The following FAM227A variants were observed in gnomAD, a reference collection of about 807,000 sequenced individuals.
FAM227A encodes family with sequence similarity 227 member A.
A neutral mutation model predicts 74.7 loss-of-function variants in FAM227A; 80 were observed. That is an observed-to-expected ratio of 1.07 (90% CI 0.89 to 1.29). FAM227A has a LOEUF of 1.29. Ranked by LOEUF, FAM227A falls within the 50% of genes most tolerant of loss-of-function variation. FAM227A has a pLI of 0.00. For synonymous variants in FAM227A, 237 were observed against 241.8 expected (o/e 0.98, Z 0.19); for missense variants, 654 against 683.4 (o/e 0.96, Z 0.48).
At chr22:38,607,363 A>C (rs1345870483) in intron 12 of FAM227A, 26 bp downstream of exon 12, 5 of 1,506,074 alleles carry the variant, frequency 3.3e-6, no homozygotes, top group Admixed American at 4.0e-5. Context: ...AAAAGCCTAC[A>C]TTTCCCTTTT....
Position 38,636,766 on chromosome 22 carries a change from ATTTC to A in FAM227A, c.373-173_373-170del, listed in dbSNP as rs1205253789. On this transcript the variant is annotated intron_variant, in intron 5 of 16. Coordinates refer to ENST00000535113, the MANE Select transcript of FAM227A (RefSeq NM_001013647.2). Reference sequence around the variant, plus strand: ...CCCCTTCCAAACTCCTATCTACATTATTTCTTTTTTTTTTTTTTTTTTGAGACGA... The same window carrying A: ...CCCCTTCCAAACTCCTATCTACATTATTTTTTTTTTTTTTTTTTGAGACGA... 7.1e-3 allele frequency among the ~76,000 whole-genome samples: 965 copies of A among 136,644 alleles called. 11 individuals are homozygous for A. Among genetic ancestry groups the A allele is most frequent in the African/African-American group, 0.025 (922 of 36,914 alleles). The allele number at this position is 136,644 out of a possible 152,430, so 89.6% of individuals were successfully genotyped here.
At chr22:38,611,483 TTAG>T (rs2091412914) in intron 11 of FAM227A, among the ~76,000 whole-genome samples, 1 of 152,158 alleles carries the variant, frequency 6.6e-6, no homozygotes, top group South Asian at 2.1e-4. Flanking sequence ...TCTGGTTAAA[TTAG>T]TAGGTATTCT....
rs1312257993 is a variant in FAM227A, at chr22:38,607,438, C to T, written c.1077G>A (p.Ser359=). 56 of 1,551,020 alleles carry T rather than the reference C, an allele frequency of 3.6e-5. No individual in the cohort carries two copies. The highest frequency in any genetic ancestry group is 4.4e-5 in the Non-Finnish European group (51 of 1,146,884). ...AGCTTTTTTCTGAGTTCTGCTTGGCCGAAGAGGTTTTTTCACTGGGTGAAT... is the reference window on the plus strand; with the variant it reads ...AGCTTTTTTCTGAGTTCTGCTTGGCTGAAGAGGTTTTTTCACTGGGTGAAT... ...SANSPSEKTS[S]AKQNSEKSLR... Residue 359 remains serine (S), a synonymous_variant, in exon 12 of 17, where the codon TCG becomes TCA. Coordinates refer to ENST00000535113, the MANE Select transcript of FAM227A (RefSeq NM_001013647.2).
intron 12 of FAM227A, among the ~76,000 whole-genome samples, chr22:38,607,176 C>CAAAAAAAAAAAAAAAAAAA (rs528873313): frequency 3.6e-5 from 2 of 55,678 alleles, no homozygotes; most frequent in Non-Finnish European, 8.0e-5. Context: ...GACTTCATCT[C>CAAAAAAAAAAAAAAAAAAA]AAAAAAAAAA....
At chr22:38,598,042 CAAAA>C in intron 14 of FAM227A, among the ~76,000 whole-genome samples, 1 of 83,816 alleles carries the variant, frequency 1.2e-5, no homozygotes, top group South Asian at 4.2e-4. Flanking sequence ...GACTCTGTCT[CAAAA>C]AAAAAAAAAA....
At chr22:38,637,995 C>T (rs1170596895) in intron 5 of FAM227A, among the ~76,000 whole-genome samples, 1 of 152,030 alleles carries the variant, frequency 6.6e-6, no homozygotes, top group Non-Finnish European at 1.5e-5. Context: ...GGTGAAACCC[C>T]ATCTCTACCA....
intron 16 of FAM227A, among the ~76,000 whole-genome samples, chr22:38,588,449 T>G (rs1303602214): frequency 1.3e-5 from 2 of 150,594 alleles, no homozygotes; most frequent in Admixed American, 1.3e-4. Flanking sequence ...TGAAACCCCA[T>G]CTCTACTAAA....
rs535003182 is a variant in FAM227A, at chr22:38,600,651, AT to A, written c.1222-731del. ...TCATGCCCAGCCGATAGTGTTATAT[AT>A]TTTATAGAAAATAATTTAGTAAAAG... On this transcript the variant is annotated intron_variant, in intron 13 of 16. Transcript: ENST00000535113. 6.6e-4 allele frequency among the ~76,000 whole-genome samples: 100 copies of A among 152,110 alleles called. No individual in the cohort carries two copies. The South Asian group carries it at 0.016, about 24-fold the overall frequency.
chr22:38,644,611 A>G (rs2092192771), intron 3 of FAM227A, among the ~76,000 whole-genome samples: 1 of 150,028 alleles, frequency 6.7e-6, no homozygotes, highest in Non-Finnish European at 1.5e-5. Flanking sequence ...CAAGAATCCT[A>G]TTGTAAACTC....
intron 6 of FAM227A, 91 bp downstream of exon 6, chr22:38,636,360 G>A: frequency 7.2e-7 from 1 of 1,392,638 alleles, no homozygotes; most frequent in Non-Finnish European, 9.7e-7. Context: ...CCCTAGGTGA[G>A]TTCCTCAGTT....
chr22:38,642,530 TAAAATTA>T (rs2092139418), intron 3 of FAM227A, among the ~76,000 whole-genome samples: 1 of 152,238 alleles, frequency 6.6e-6, no homozygotes, highest in Non-Finnish European at 1.5e-5. Flanking sequence ...TAGATTTCGT[TAAAATTA>T]AAAATTTCTG....
intron 16 of FAM227A, among the ~76,000 whole-genome samples, chr22:38,587,701 G>A (rs938289680): frequency 3.3e-5 from 5 of 151,988 alleles, no homozygotes; most frequent in African/African-American, 9.7e-5. Flanking sequence ...AAAAATAGAA[G>A]AGGTAACAGT....
intron 16 of FAM227A, 128 bp from the exon 17 acceptor site, chr22:38,586,327 T>C: frequency 9.7e-7 from 1 of 1,029,232 alleles, no homozygotes; most frequent in Non-Finnish European, 1.4e-6. Flanking sequence ...GAGGGCGTGC[T>C]CCTGCCTCCA....
chr22:38,636,510 C>CCA lies in FAM227A; in HGVS notation c.458_459dup (p.Asp154TrpfsTer29). ...ACGTTGCCCACCATGTCACAGAAGT[C>CCA]CACGCCATTCGGAAGCTTGTTTGGC... On this transcript the variant is annotated frameshift_variant, in exon 6 of 17. Coordinates refer to ENST00000535113, the MANE Select transcript of FAM227A (RefSeq NM_001013647.2). LOFTEE classifies it high-confidence loss of function. 6.4e-7 allele frequency: 1 copy of CCA among 1,551,678 alleles called. No individual in the cohort carries two copies. Among genetic ancestry groups the CCA allele is most frequent in the Non-Finnish European group, 8.7e-7 (1 of 1,146,990 alleles).
chr22:38,636,452 T>C lies in FAM227A; in HGVS notation c.518A>G (p.Lys173Arg), dbSNP rs2092008606. 6.4e-7 allele frequency: 1 copy of C among 1,550,876 alleles called. No homozygotes were observed. Among genetic ancestry groups the C allele is most frequent in the African/African-American group, 1.4e-5 (1 of 73,002 alleles). ...VRAERDCLSG[K>R]HFCSGRELEK... ...GGGCAGGCACTGCTTTTTCCTCACC[T>C]TGCCACTAAGGCAGTCTCTCTCAGC... Residue 173 changes from lysine to arginine, a missense_variant and splice_region_variant, in exon 6 of 17, where the codon AAG (lysine) becomes AGG (arginine). Transcript: ENST00000535113.
chr22:38,624,851 T>C (rs1475864494), intron 9 of FAM227A, among the ~76,000 whole-genome samples: 1 of 152,190 alleles, frequency 6.6e-6, no homozygotes, highest in East Asian at 1.9e-4. Context: ...TCCAGCTCTA[T>C]TTCCTTACTA....
In FAM227A at chr22:38,591,555, CAG is replaced by C; in HGVS notation, c.1533-17_1533-16del. ...TCTTCATTTCCCTGGGAGGAAAACA[CAG>C]AGACATATGGAAAAAGGCTGGAGTG... On this transcript the variant is annotated splice_polypyrimidine_tract_variant and intron_variant, in intron 15 of 16. Transcript: ENST00000535113. 2 of 1,525,318 alleles carry C rather than the reference CAG, an allele frequency of 1.3e-6. No homozygotes were observed. The highest frequency in any genetic ancestry group is 1.8e-6 in the Non-Finnish European group (2 of 1,132,536). The allele number at this position is 1,525,318 out of a possible 1,614,324, so 94.5% of individuals were successfully genotyped here. A position where few individuals can be genotyped will look rare whatever the true frequency, so the allele number is the denominator to read the frequency against.
chr22:38,628,340 T>A lies in FAM227A; in HGVS notation c.624A>T (p.Pro208=), dbSNP rs1309811810. The A allele has an allele frequency of 1.3e-6, 2 of 1,548,074 alleles. No homozygotes were observed. The highest frequency in any genetic ancestry group is 1.7e-6 in the Non-Finnish European group (2 of 1,143,888). ...FWWIFHERYQ[P]NKELQNNLFD... ...ACAGATTATTCTGGAGCTCCTTGTT[T>A]GGCTGCCAGGAATAGAAATGAAAAA... The change falls in exon 8 of 17, where the codon CCA becomes CCT. Residue 208 remains proline (P), a splice_region_variant and synonymous_variant. Coordinates refer to ENST00000535113, the MANE Select transcript of FAM227A (RefSeq NM_001013647.2).
At chr22:38,645,947 C>T (rs1305619678) in intron 2 of FAM227A, among the ~76,000 whole-genome samples, 2 of 152,044 alleles carry the variant, frequency 1.3e-5, no homozygotes, top group Admixed American at 6.6e-5. Context: ...CCACCCCTGG[C>T]CTATTTTTAA....
Sources: allele counts gnomAD v4.1 joint callset (sites outside exome capture counted in the v4.1 genomes callset), GRCh38; gene constraint gnomAD v4.1.1; transcripts MANE v1.5; gene names NCBI Gene and HGNC (gene_info 2026-07-23, HGNC 2026-07-21).